Variants in DNM3 observed in about 807,000 individuals in gnomAD.
DNM3 encodes the protein dynamin 3.
A neutral mutation model predicts 101.6 loss-of-function variants in DNM3; 47 were observed. That is an observed-to-expected ratio of 0.46 (90% confidence interval 0.37 to 0.59). The LOEUF is 0.59. Among genes scored for constraint, DNM3 ranks in the 20% least tolerant of loss-of-function variants. DNM3 has a pLI of 0.00. For synonymous variants in DNM3, 385 were observed against 387.9 expected, an observed-to-expected ratio of 0.99 and a Z score of 0.09; for missense variants, 849 against 1,085.7, an observed-to-expected ratio of 0.78 and a Z score of 3.06.
At chr1:172,345,732 T>C (rs1336861872) in intron 17 of DNM3, among the ~76,000 whole-genome samples, 1 of 152,152 alleles carries the variant, frequency 6.6e-6, no homozygotes, top group Admixed American at 6.5e-5. Flanking sequence ...GGGCATGAAA[T>C]AGTCCCTGTT....
intron 4 of DNM3, among the ~76,000 whole-genome samples, chr1:172,020,721 C>CAAAAAAAAAAAAAA (rs3051630): frequency 1.2e-4 from 8 of 66,336 alleles, no homozygotes; most frequent in African/African-American, 3.8e-4. Context: ...GAGACTCCGT[C>CAAAAAAAAAAAAAA]AAAAAAAAAA....
chr1:172,377,762 G>T (rs866946400), intron 17 of DNM3, among the ~76,000 whole-genome samples: 7 of 151,612 alleles, frequency 4.6e-5, no homozygotes, highest in Non-Finnish European at 1.0e-4. Flanking sequence ...ATGCTCTCAG[G>T]ACTGGGAAAT....
chr1:172,179,372 A>T (rs1296709790), intron 14 of DNM3, among the ~76,000 whole-genome samples: 2 of 152,032 alleles, frequency 1.3e-5, no homozygotes, highest in African/African-American at 4.8e-5. Context: ...TTGGAAACCA[A>T]AAGAAAATAA....
At chr1:171,983,786 A>C (rs1010899572) in intron 2 of DNM3, among the ~76,000 whole-genome samples, 1 of 152,186 alleles carries the variant, frequency 6.6e-6, no homozygotes, top group African/African-American at 2.4e-5. Context: ...CATCTTCTGG[A>C]AATTTTTCAG....
At chr1:172,009,952 A>G (rs1201630057) in intron 4 of DNM3, among the ~76,000 whole-genome samples, 2 of 151,782 alleles carry the variant, frequency 1.3e-5, no homozygotes, top group Non-Finnish European at 2.9e-5. Flanking sequence ...CCTTAACTAT[A>G]TTTGTGAATT....
intron 17 of DNM3, among the ~76,000 whole-genome samples, chr1:172,365,725 G>A (rs1033929728): frequency 7.2e-5 from 11 of 151,906 alleles, no homozygotes; most frequent in African/African-American, 2.7e-4. Context: ...AGCCTGTTCT[G>A]TGTTTTGCCT....
Position 172,125,263 on chromosome 1 carries a change from G to A in DNM3, c.1546-5912G>A, listed in dbSNP as rs1040918673. On this transcript the variant is annotated intron_variant, in intron 13 of 20. Coordinates refer to ENST00000627582, the MANE Select transcript of DNM3 (RefSeq NM_015569.5). ...ATAGCTGAAAAAAACTTGCATGGTCGACCATAAGTGAGATCAAGGTCAAAC... is the reference window on the plus strand; with the variant it reads ...ATAGCTGAAAAAAACTTGCATGGTCAACCATAAGTGAGATCAAGGTCAAAC... 3.3e-5 allele frequency among the ~76,000 whole-genome samples: 5 copies of A among 152,154 alleles called. No homozygotes were observed. The South Asian group carries it at 6.2e-4, about 19-fold the overall frequency.
chr1:172,056,748 CAG>C (rs977493748), intron 10 of DNM3, among the ~76,000 whole-genome samples: 5 of 152,154 alleles, frequency 3.3e-5, no homozygotes, highest in African/African-American at 1.2e-4. Context: ...GGGGAAAAAA[CAG>C]AACAGAAAAA....
At chr1:172,082,385 AT>A (rs932352060) in intron 12 of DNM3, among the ~76,000 whole-genome samples, 1 of 144,542 alleles carries the variant, frequency 6.9e-6, no homozygotes, top group African/African-American at 2.6e-5. Context: ...TGAACATTTT[AT>A]TTTCTGTAAA....
At chr1:171,867,947 A>G (rs1257201503) in intron 1 of DNM3, among the ~76,000 whole-genome samples, 1 of 152,212 alleles carries the variant, frequency 6.6e-6, no homozygotes, top group Non-Finnish European at 1.5e-5. Flanking sequence ...CTTATCACTT[A>G]ACATTTTTGT....
intron 14 of DNM3, among the ~76,000 whole-genome samples, chr1:172,183,372 A>C (rs1007667503): frequency 2.6e-5 from 4 of 152,122 alleles, no homozygotes; most frequent in Non-Finnish European, 5.9e-5. Context: ...AGTTTTTTTA[A>C]CACAAATTAA....
In DNM3 at chr1:171,987,742, G is replaced by T. The variant is rs755001015; in HGVS notation, c.322G>T (p.Val108Leu). 1.7e-5 allele frequency: 27 copies of T among 1,603,644 alleles called. No homozygotes were observed. The highest frequency in any genetic ancestry group is 2.0e-5 in the Non-Finnish European group (23 of 1,176,196). The change falls in exon 3 of 21, where the codon GTG becomes TTG. Residue 108 changes from valine to leucine, a missense_variant. By Grantham distance (32) the Val-to-Leu change is conservative (BLOSUM62 1). Transcript: ENST00000627582. ...TGAGATTGAAGCAGAAACAGATCGC[G>T]TGACTGGAATGAATAAAGGCATTTC... The part of the protein sequence containing the change: ...RLEIEAETDR[V>L]TGMNKGISSI...
At position 172,392,683 on chromosome 1, in the gene DNM3, C is replaced by A. The variant is rs565862125; in HGVS notation, c.2522+3874C>A. 8.5e-5 allele frequency among the ~76,000 whole-genome samples: 13 copies of A among 152,294 alleles called. No homozygotes were observed. In the South Asian group the frequency reaches 2.7e-3, roughly 32 times the overall value. On this transcript the variant is annotated intron_variant, in intron 20 of 20. Transcript: ENST00000627582. ...TTATTTCACTCATTTGTCTTCTTCC[C>A]TTTCCTTGGACTAAGCTATTTTGCA...
chr1:172,299,572 T>C (rs1377785774), intron 15 of DNM3, among the ~76,000 whole-genome samples: 1 of 152,140 alleles, frequency 6.6e-6, no homozygotes, highest in Admixed American at 6.5e-5. Flanking sequence ...GTGTCTATTG[T>C]TCCCAACTTT....
At chr1:172,354,846 G>GA (rs1021465553) in intron 17 of DNM3, among the ~76,000 whole-genome samples, 1 of 152,002 alleles carries the variant, frequency 6.6e-6, no homozygotes, top group Non-Finnish European at 1.5e-5. Context: ...ACTTCAGCCC[G>GA]AAAAAATTGG....
At position 171,989,900 on chromosome 1, in the gene DNM3, A is replaced by G. The variant is rs576755074; in HGVS notation, c.589+752A>G. ...TTGTCCCAATTTCTTTGTTCTTTTT[A>G]TCTGTAGTTCTTATTAGCATGTTAG... On this transcript the variant is annotated intron_variant, in intron 4 of 20. Transcript: ENST00000627582. 3.3e-5 allele frequency among the ~76,000 whole-genome samples: 5 copies of G among 151,900 alleles called. No homozygotes were observed. The South Asian group carries it at 1.0e-3, about 32-fold the overall frequency.
At chr1:172,088,772 G>A (rs1420305726) in intron 12 of DNM3, among the ~76,000 whole-genome samples, 1 of 152,074 alleles carries the variant, frequency 6.6e-6, no homozygotes, top group African/African-American at 2.4e-5. Flanking sequence ...TATATTTCTT[G>A]TCCCTGAACA....
intron 1 of DNM3, among the ~76,000 whole-genome samples, chr1:171,871,963 A>G (rs930982811): frequency 9.8e-5 from 14 of 143,016 alleles, no homozygotes; most frequent in African/African-American, 3.4e-4. Flanking sequence ...TTTTCAATTT[A>G]GCCAACAATT....
At chr1:172,097,131 G>A (rs1261217158) in intron 13 of DNM3, among the ~76,000 whole-genome samples, 1 of 152,158 alleles carries the variant, frequency 6.6e-6, no homozygotes, top group East Asian at 1.9e-4. Context: ...GCCGGGCACG[G>A]TGACTTATGC....
Sources: gnomAD v4.1 joint callset for allele counts (sites outside exome capture counted in the v4.1 genomes callset) on GRCh38, gnomAD v4.1.1 for gene constraint, MANE v1.5 for transcripts, NCBI Gene and HGNC (gene_info 2026-07-23, HGNC 2026-07-21) for gene names.